FAM83B: variants seen among roughly 807,000 people sequenced by gnomAD.
The protein encoded by FAM83B is scaffolding CK1 anchoring protein B, also known as protein FAM83B.
FAM83B carries 26 observed loss-of-function variants against 38.8 expected under a neutral mutation model. The ratio of observed to expected loss-of-function variants is 0.67; its 90% CI spans 0.49 to 0.93. FAM83B has a LOEUF of 0.93. FAM83B is among the 40% of genes least tolerant of loss of function. The pLI is 0.00. For missense variants in FAM83B, 1,237 were observed against 1,197.3 expected, an observed-to-expected ratio of 1.03 and a Z score of -0.49; for synonymous variants, 419 against 423.1, an observed-to-expected ratio of 0.99 and a Z score of 0.12.
chr6:54,890,001 A>T (rs992493855), intron 2 of FAM83B, among the ~76,000 whole-genome samples: 2 of 152,078 alleles, frequency 1.3e-5, no homozygotes, highest in African/African-American at 4.8e-5. Flanking sequence ...AAACTTGTTT[A>T]AAAAATATAT....
intron 1 of FAM83B, among the ~76,000 whole-genome samples, chr6:54,854,591 A>G (rs1474692032): frequency 6.6e-6 from 1 of 152,200 alleles, no homozygotes; most frequent in Non-Finnish European, 1.5e-5. Flanking sequence ...AAGGTTGTTC[A>G]TTGATGTTTC....
intron 2 of FAM83B, among the ~76,000 whole-genome samples, chr6:54,911,297 T>A (rs2127584608): frequency 6.6e-6 from 1 of 151,396 alleles, no homozygotes; most frequent in East Asian, 1.9e-4. Flanking sequence ...GAAGTTTGAG[T>A]TAAAGAAAAA....
In FAM83B at chr6:54,909,162, AC is replaced by A. The variant is rs1772847556; in HGVS notation, c.445-17208del. Reference sequence around the variant, plus strand: ...AAGATTCATGTTTTTTACATTTATTACTTGTAGCATTTAGAATGTATTTCAG... The same window carrying A: ...AAGATTCATGTTTTTTACATTTATTATTGTAGCATTTAGAATGTATTTCAG... On this transcript the variant is annotated intron_variant, in intron 2 of 4. Transcript: ENST00000306858. Among the ~76,000 whole-genome samples the A allele has an allele frequency of 4.6e-5, 7 of 152,192 alleles. No individual in the cohort carries two copies. In the South Asian group the frequency reaches 1.4e-3, roughly 32 times the overall value.
chr6:54,926,652 T>G, intron 3 of FAM83B, 117 bp downstream of exon 3: 1 of 733,034 alleles, frequency 1.4e-6, no homozygotes, highest in Non-Finnish European at 2.1e-6. Context: ...AAAATACGTA[T>G]TTAAGGTTAT....
At chr6:54,927,399 C>A (rs1168198649) in intron 3 of FAM83B, 109 bp from the exon 4 acceptor site, 4 of 792,388 alleles carry the variant, frequency 5.0e-6, no homozygotes, top group African/African-American at 1.8e-5. Context: ...TTTTTAATTA[C>A]CTTAAGTAAA....
At chr6:54,884,481 C>CA (rs769913282) in intron 2 of FAM83B, among the ~76,000 whole-genome samples, 2,256 of 70,812 alleles carry the variant, frequency 0.032, 45 homozygotes, top group African/African-American at 0.06. Flanking sequence ...GACTCTGTCT[C>CA]AAAAAAAAAA....
intron 2 of FAM83B, among the ~76,000 whole-genome samples, chr6:54,906,605 T>C (rs1361453677): frequency 1.3e-5 from 2 of 152,016 alleles, no homozygotes; most frequent in Non-Finnish European, 2.9e-5. Flanking sequence ...GGCTGGTCTT[T>C]CATTCCTGAC....
chr6:54,868,752 T>C (rs2127574803), intron 1 of FAM83B, among the ~76,000 whole-genome samples: 1 of 152,292 alleles, frequency 6.6e-6, no homozygotes, highest in East Asian at 1.9e-4. Flanking sequence ...GATCAAATTA[T>C]GACTCAAGCT....
At chr6:54,846,221 C>T (rs1319404791), upstream of FAM83B, among the ~76,000 whole-genome samples, 3 of 152,226 alleles carry the variant, frequency 2.0e-5, no homozygotes, top group Non-Finnish European at 2.9e-5. Flanking sequence ...GAGAAGGAGT[C>T]TGCACTGCGG....
In FAM83B at chr6:54,870,703, C is replaced by G. The variant is rs758726300; in HGVS notation, c.444+13C>G. The G allele has an allele frequency of 6.4e-7, 1 of 1,562,956 alleles. No individual in the cohort carries two copies. The highest frequency in any genetic ancestry group is 8.6e-7 in the Non-Finnish European group (1 of 1,159,736). On this transcript the variant is annotated intron_variant, in intron 2 of 4. Transcript: ENST00000306858. ...AGAAGCAAGAAAGGTAATAACATTT[C>G]TATTTTGAAATGAAAAATTTGAAAC...
chr6:54,894,509 G>A (rs1389585524), intron 2 of FAM83B, among the ~76,000 whole-genome samples: 2 of 152,134 alleles, frequency 1.3e-5, no homozygotes, highest in Admixed American at 1.3e-4. Flanking sequence ...GTACAAATAA[G>A]TCTAGTTTAT....
chr6:54,900,287 G>A (rs1483403977), intron 2 of FAM83B, among the ~76,000 whole-genome samples: 3 of 152,092 alleles, frequency 2.0e-5, no homozygotes, highest in Admixed American at 1.3e-4. Flanking sequence ...AAAGAGGGAG[G>A]CCCTATCCTA....
intron 1 of FAM83B, among the ~76,000 whole-genome samples, chr6:54,858,703 T>A (rs576515333): frequency 6.6e-6 from 1 of 152,198 alleles, no homozygotes; most frequent in Non-Finnish European, 1.5e-5. Context: ...GTAATTTATT[T>A]TTTTATGATT....
chr6:54,886,572 G>A (rs183055675), intron 2 of FAM83B, among the ~76,000 whole-genome samples: 3 of 151,976 alleles, frequency 2.0e-5, no homozygotes, highest in Admixed American at 2.0e-4. Context: ...GCATAAAATT[G>A]TTTATAATAT....
At chr6:54,909,439 A>G (rs1047830141) in intron 2 of FAM83B, among the ~76,000 whole-genome samples, 3 of 152,144 alleles carry the variant, frequency 2.0e-5, no homozygotes, top group Non-Finnish European at 2.9e-5. Context: ...TTCTGCACCA[A>G]CCTAATACCA....
chr6:54,925,191 C>G (rs748071358), intron 2 of FAM83B, among the ~76,000 whole-genome samples: 26 of 152,162 alleles, frequency 1.7e-4, no homozygotes, highest in Non-Finnish European at 3.7e-4. Flanking sequence ...GACACTGTCT[C>G]AGAGAGACCT....
At chr6:54,935,826 T>C (rs2127590566) in intron 4 of FAM83B, among the ~76,000 whole-genome samples, 1 of 152,090 alleles carries the variant, frequency 6.6e-6, no homozygotes, top group Non-Finnish European at 1.5e-5. Flanking sequence ...AACAGGACCT[T>C]TTGGTTCTGA....
chr6:54,928,623 C>T (rs1475058270), intron 4 of FAM83B, among the ~76,000 whole-genome samples: 1 of 152,086 alleles, frequency 6.6e-6, no homozygotes, highest in East Asian at 1.9e-4. Context: ...GCAGAAAATA[C>T]AGCTAGTGCT....
At chr6:54,847,658 G>A (rs910468301) in intron 1 of FAM83B, among the ~76,000 whole-genome samples, 8 of 152,134 alleles carry the variant, frequency 5.3e-5, no homozygotes, top group African/African-American at 1.9e-4. Context: ...TTAATGGACA[G>A]GCAGAGAATG....
Sources: gnomAD v4.1 joint callset for allele counts (sites outside exome capture counted in the v4.1 genomes callset) on GRCh38, gnomAD v4.1.1 for gene constraint, MANE v1.5 for transcripts, NCBI Gene and HGNC (gene_info 2026-07-23, HGNC 2026-07-21) for gene names.